Variants in SNTG1 observed in about 807,000 individuals in gnomAD.
The protein encoded by SNTG1 is gamma-1-syntrophin.
A neutral mutation model predicts 74.7 loss-of-function variants in SNTG1; 39 were observed. That is an observed-to-expected ratio of 0.52 (90% CI 0.40 to 0.68). The LOEUF is 0.68. SNTG1 is among the 30% of genes least tolerant of loss of function. The pLI is 0.00. For synonymous variants in SNTG1, 254 were observed against 217.1 expected, an observed-to-expected ratio of 1.17 and a Z score of -1.49; for missense variants, 685 against 609.5, an observed-to-expected ratio of 1.12 and a Z score of -1.30.
chr8:50,554,445 T>A (rs2094444285), intron 12 of SNTG1, among the ~76,000 whole-genome samples: 1 of 152,046 alleles, frequency 6.6e-6, no homozygotes, highest in African/African-American at 2.4e-5. Context: ...CATGTGGAAA[T>A]GTGCTTCCAG....
In SNTG1 at chr8:50,654,042, T is replaced by G. The variant is rs910297234; in HGVS notation, c.850-2867T>G. Among the ~76,000 whole-genome samples, 9 of 152,280 alleles carry G rather than the reference T, an allele frequency of 5.9e-5. No homozygotes were observed. In the East Asian group the frequency reaches 1.7e-3, roughly 29 times the overall value. On this transcript the variant is annotated intron_variant, in intron 13 of 18. Transcript: ENST00000642720. ...CTGTCTTTGGTTCTCTGAAGACACA[T>G]GCCAAAGTGCCTTGGTGTGCTTATA...
At chr8:50,587,689 G>T (rs911399896) in intron 12 of SNTG1, among the ~76,000 whole-genome samples, 1 of 151,784 alleles carries the variant, frequency 6.6e-6, no homozygotes, top group Non-Finnish European at 1.5e-5. Context: ...GCTGGGTGTG[G>T]TGGTGCACGC....
At chr8:50,045,653 G>C (rs779551115) in intron 1 of SNTG1, among the ~76,000 whole-genome samples, 1 of 152,096 alleles carries the variant, frequency 6.6e-6, no homozygotes, top group Non-Finnish European at 1.5e-5. Flanking sequence ...TCAAAAATAT[G>C]TGTTGTTGTA....
At chr8:50,510,752 G>A (rs1424295329) in intron 9 of SNTG1, among the ~76,000 whole-genome samples, 10 of 151,920 alleles carry the variant, frequency 6.6e-5, no homozygotes, top group South Asian at 2.1e-4. Context: ...CTGTGGGATC[G>A]GTGGTGATAT....
chr8:50,516,161 G>C (rs2094132363), intron 9 of SNTG1, among the ~76,000 whole-genome samples: 1 of 152,168 alleles, frequency 6.6e-6, no homozygotes, highest in Non-Finnish European at 1.5e-5. Flanking sequence ...ACAGGGTCTG[G>C]AGTGGACCTC....
intron 4 of SNTG1, among the ~76,000 whole-genome samples, chr8:50,427,306 C>G (rs977898652): frequency 6.6e-6 from 1 of 151,958 alleles, no homozygotes; most frequent in Non-Finnish European, 1.5e-5. Flanking sequence ...GAAATGTAAA[C>G]ATAATGATTA....
At chr8:50,724,159 T>C (rs1315602337) in intron 17 of SNTG1, among the ~76,000 whole-genome samples, 2 of 152,208 alleles carry the variant, frequency 1.3e-5, no homozygotes, top group Admixed American at 6.5e-5. Context: ...TTTTAAACAA[T>C]CTTAGTTACA....
intron 2 of SNTG1, among the ~76,000 whole-genome samples, chr8:50,278,841 T>TAAAA (rs59632873): frequency 6.6e-6 from 1 of 151,460 alleles, no homozygotes; most frequent in Admixed American, 6.6e-5. Context: ...TAACTTAACT[T>TAAAA]AAAAAATTCA....
At chr8:50,590,953 T>C in intron 13 of SNTG1, 36 bp downstream of exon 13, 1 of 1,439,924 alleles carries the variant, frequency 6.9e-7, no homozygotes, top group African/African-American at 1.5e-5. Context: ...CTAAATAATA[T>C]ATTTCTTTAA....
intron 1 of SNTG1, among the ~76,000 whole-genome samples, chr8:50,150,043 G>A (rs62516678): frequency 7.9e-5 from 12 of 151,268 alleles, no homozygotes; most frequent in Non-Finnish European, 1.5e-4. Flanking sequence ...ATGTTCTTCC[G>A]TTTGTTTGTA....
chr8:50,553,103 A>G lies in SNTG1; in HGVS notation c.734A>G (p.Gln245Arg). ...AVDGVCTGII[Q>R]CLSAEDCVDW... is the part of the protein sequence containing the mutation. ...GATGGGGTCTGCACTGGGATTATTC[A>G]GTGCCTCTCTGCTGAAGACTGCGTT... Residue 245 changes from glutamine (Q) to arginine (R), a missense_variant, in exon 12 of 19, where the codon CAG becomes CGG. Physicochemically the swap from Gln to Arg is conservative, Grantham distance 43. Transcript: ENST00000642720. 6.2e-7 allele frequency: 1 copy of G among 1,613,988 alleles called. No homozygotes were observed. The highest frequency in any genetic ancestry group is 8.5e-7 in the Non-Finnish European group (1 of 1,179,896).
intron 2 of SNTG1, among the ~76,000 whole-genome samples, chr8:50,314,466 TC>T (rs2090239773): frequency 6.7e-6 from 1 of 149,724 alleles, no homozygotes; most frequent in South Asian, 2.2e-4. Flanking sequence ...CTCTAGGCAT[TC>T]CAATTAAGTG....
At chr8:50,275,524 A>G (rs917683987) in intron 2 of SNTG1, among the ~76,000 whole-genome samples, 2 of 152,206 alleles carry the variant, frequency 1.3e-5, no homozygotes, top group Non-Finnish European at 2.9e-5. Flanking sequence ...TCCGGCTTCA[A>G]ATAACATTAT....
At chr8:50,557,123 G>A (rs2094460329) in intron 12 of SNTG1, among the ~76,000 whole-genome samples, 1 of 151,874 alleles carries the variant, frequency 6.6e-6, no homozygotes, top group Non-Finnish European at 1.5e-5. Context: ...CAAGGAGGCT[G>A]GGCCCAGCAT....
At chr8:50,058,838 A>G (rs1820242169) in intron 1 of SNTG1, among the ~76,000 whole-genome samples, 1 of 151,990 alleles carries the variant, frequency 6.6e-6, no homozygotes, top group South Asian at 2.1e-4. Context: ...AGATACAAGC[A>G]GTCATCGCCA....
chr8:50,440,952 T>C (rs2093352628), intron 5 of SNTG1, among the ~76,000 whole-genome samples: 2 of 152,194 alleles, frequency 1.3e-5, no homozygotes, highest in Non-Finnish European at 1.5e-5. Flanking sequence ...TTAGACAGAA[T>C]TCAGTCAAAT....
At chr8:50,363,493 G>A (rs2092020935) in intron 2 of SNTG1, among the ~76,000 whole-genome samples, 1 of 151,942 alleles carries the variant, frequency 6.6e-6, no homozygotes, top group African/African-American at 2.4e-5. Context: ...GCTTGTGTTG[G>A]GGAAAATCAC....
In SNTG1 at chr8:50,319,441, A is replaced by C. The variant is rs555309165; in HGVS notation, c.-27-74771A>C. On this transcript the variant is annotated intron_variant, in intron 2 of 18. Coordinates refer to ENST00000642720, the MANE Select transcript of SNTG1 (RefSeq NM_018967.5). ...GATGTTTTATACTACAACTTTACTG[A>C]ATTTATCAGTTCTAATAGTTTTTTA... Among the ~76,000 whole-genome samples the C allele has an allele frequency of 8.5e-5, 13 of 152,300 alleles. 1 individual carries two copies. Among genetic ancestry groups the C allele is most frequent in the African/African-American group, 3.1e-4 (13 of 41,572 alleles).
chr8:50,640,220 CT>C (rs1235835473), intron 13 of SNTG1, among the ~76,000 whole-genome samples: 1 of 152,094 alleles, frequency 6.6e-6, no homozygotes, highest in African/African-American at 2.4e-5. Flanking sequence ...AAAGAAATGG[CT>C]TTTCTTGATT....
Sources: allele counts gnomAD v4.1 joint callset (sites outside exome capture counted in the v4.1 genomes callset), GRCh38; gene constraint gnomAD v4.1.1; transcripts MANE v1.5; gene names NCBI Gene and HGNC (gene_info 2026-07-23, HGNC 2026-07-21).